The following ZC3H12B variants were observed in gnomAD, a reference collection of about 807,000 sequenced individuals.
The protein encoded by ZC3H12B is probable ribonuclease ZC3H12B.
Under a neutral mutation model 43.9 loss-of-function variants are expected in ZC3H12B, and 7 were observed. The ratio of observed to expected loss-of-function variants is 0.16; its 90% CI spans 0.09 to 0.30. The LOEUF is 0.30. Among genes scored for constraint, ZC3H12B ranks in the 10% least tolerant of loss-of-function variants. The pLI is 1.00. For synonymous variants in ZC3H12B, 222 were observed against 241.7 expected (o/e 0.92, Z 0.76); for missense variants, 475 against 670.2 (o/e 0.71, Z 3.22).
the ZC3H12B span, among the ~76,000 whole-genome samples, chrX:65,240,435 G>C: frequency 8.9e-6 from 1 of 111,915 alleles, no homozygotes; most frequent in African/African-American, 3.2e-5. Context: ...TTATATGCCT[G>C]TGTAAAGTTG....
chrX:65,062,262 A>G, the ZC3H12B span, among the ~76,000 whole-genome samples: 1 of 112,216 alleles, frequency 8.9e-6, no homozygotes, highest in Non-Finnish European at 1.9e-5. Context: ...GGTATTGCCT[A>G]GGCTTTCTTC....
intron 2 of ZC3H12B, among the ~76,000 whole-genome samples, chrX:65,381,150 A>G (rs1323878065): frequency 9.0e-6 from 1 of 111,075 alleles, no homozygotes; most frequent in Non-Finnish European, 1.9e-5. Flanking sequence ...CAGAATATAC[A>G]TTTTTTTCAG....
chrX:65,132,519 G>C, the ZC3H12B span, among the ~76,000 whole-genome samples: 2,064 of 110,163 alleles, frequency 0.019, 62 homozygotes, highest in African/African-American at 0.065. Flanking sequence ...ACAAGGGGAG[G>C]ATGTGAAGGA....
chrX:65,302,005 A>G, the ZC3H12B span, among the ~76,000 whole-genome samples: 336 of 111,340 alleles, frequency 3.0e-3, 3 homozygotes, highest in African/African-American at 0.01. Context: ...TTAGCAAACC[A>G]GGAATAGAGA....
At chrX:65,340,151 C>T in the ZC3H12B span, among the ~76,000 whole-genome samples, 1 of 112,069 alleles carries the variant, frequency 8.9e-6, no homozygotes. Flanking sequence ...ACCCTTACCT[C>T]CATGAATGCA....
At chrX:65,229,807 G>A in the ZC3H12B span, among the ~76,000 whole-genome samples, 1 of 108,021 alleles carries the variant, frequency 9.3e-6, no homozygotes, top group African/African-American at 3.4e-5. Flanking sequence ...CTGGCCATCA[G>A]AGAAATGCAA....
chrX:65,428,013 T>C (rs1011979001), intron 3 of ZC3H12B, among the ~76,000 whole-genome samples: 2 of 111,776 alleles, frequency 1.8e-5, no homozygotes, highest in Admixed American at 1.9e-4. Flanking sequence ...GTCTTCTTTG[T>C]TGATGAAGCT....
At chrX:65,127,882 CCCA>C in the ZC3H12B span, among the ~76,000 whole-genome samples, 1 of 111,376 alleles carries the variant, frequency 9.0e-6, no homozygotes, top group African/African-American at 3.3e-5. Flanking sequence ...CATCGTTTTC[CCCA>C]CCAATAGCAC....
At chrX:65,217,267 G>A in the ZC3H12B span, among the ~76,000 whole-genome samples, 1 of 112,262 alleles carries the variant, frequency 8.9e-6, no homozygotes, top group Non-Finnish European at 1.9e-5. Flanking sequence ...TGAAATGGCT[G>A]CAGGAACCAC....
At chrX:65,344,594 A>G in the ZC3H12B span, among the ~76,000 whole-genome samples, 1 of 112,574 alleles carries the variant, frequency 8.9e-6, no homozygotes, top group Non-Finnish European at 1.9e-5. Flanking sequence ...ACTTTAATGT[A>G]AAACCAAAAC....
the ZC3H12B span, among the ~76,000 whole-genome samples, chrX:65,130,821 A>T: frequency 9.0e-6 from 1 of 111,364 alleles, no homozygotes; most frequent in African/African-American, 3.3e-5. Flanking sequence ...TGAGAAGGAG[A>T]AAAACTGCCA....
the ZC3H12B span, among the ~76,000 whole-genome samples, chrX:65,073,851 T>C: frequency 1.8e-5 from 2 of 111,656 alleles, no homozygotes; most frequent in Non-Finnish European, 3.8e-5. Flanking sequence ...TGGTGCACTG[T>C]AGCCCTGTGC....
the ZC3H12B span, among the ~76,000 whole-genome samples, chrX:65,280,936 G>T: frequency 8.9e-6 from 1 of 111,995 alleles, no homozygotes; most frequent in Non-Finnish European, 1.9e-5. Context: ...GAAGAATATT[G>T]TTAAAATGGC....
intron 3 of ZC3H12B, chrX:65,408,526 G>A (rs919783481): frequency 1.5e-5 from 18 of 1,204,255 alleles, no homozygotes; most frequent in Admixed American, 2.2e-5. Context: ...CTCACCCTTC[G>A]GGACTTCAGC....
intron 2 of ZC3H12B, among the ~76,000 whole-genome samples, chrX:65,389,967 T>A (rs1318761730): frequency 8.9e-6 from 1 of 112,236 alleles, no homozygotes; most frequent in Non-Finnish European, 1.9e-5. Context: ...CGTATGTTTA[T>A]TGTGGCACTA....
the ZC3H12B span, among the ~76,000 whole-genome samples, chrX:65,160,888 G>T: frequency 1.8e-5 from 2 of 110,878 alleles, no homozygotes; most frequent in Admixed American, 9.6e-5. Context: ...GCTTTCTCTT[G>T]TGGGCATTTA....
the ZC3H12B span, among the ~76,000 whole-genome samples, chrX:65,277,819 G>A: frequency 9.0e-6 from 1 of 110,742 alleles, no homozygotes; most frequent in East Asian, 2.8e-4. Flanking sequence ...AAAAACAAAA[G>A]TAAACAAAAT....
intron 2 of ZC3H12B, among the ~76,000 whole-genome samples, chrX:65,397,512 G>A (rs991390189): frequency 9.0e-6 from 1 of 111,409 alleles, no homozygotes; most frequent in African/African-American, 3.3e-5. Context: ...TAAAAATATT[G>A]AATATTGGGC....
At chrX:65,506,240 A>C (rs1186490231) in exon 5 of ZC3H12B, 1 of 112,786 alleles carries the variant, frequency 8.9e-6, no homozygotes, top group African/African-American at 3.2e-5. Context: ...TATTAAATTT[A>C]ATATGTCCTT....
Sources: allele counts gnomAD v4.1 joint callset (sites outside exome capture counted in the v4.1 genomes callset), GRCh38; gene constraint gnomAD v4.1.1; transcripts MANE v1.5; gene names NCBI Gene and HGNC (gene_info 2026-07-23, HGNC 2026-07-21).